Variants in TMEM108 observed in about 807,000 individuals in gnomAD.
The protein encoded by TMEM108 is cancer/testis antigen 124.
Under a neutral mutation model 35.1 loss-of-function variants are expected in TMEM108, and 12 were observed. The ratio of observed to expected loss-of-function variants is 0.34; its 90% CI spans 0.22 to 0.55. The LOEUF is 0.55. Ranked by LOEUF, TMEM108 falls within the 20% of genes least tolerant of loss-of-function variation. The pLI is 0.89. For synonymous variants in TMEM108, 287 were observed against 308.6 expected, an observed-to-expected ratio of 0.93 and a Z score of 0.73; for missense variants, 680 against 753.3, an observed-to-expected ratio of 0.90 and a Z score of 1.14.
rs9845281 is a variant in TMEM108, at chr3:133,145,559, G to A, written c.-46-83707G>A. On this transcript the variant is annotated intron_variant, in intron 2 of 5. Coordinates refer to ENST00000321871, the MANE Select transcript of TMEM108 (RefSeq NM_023943.4). ...GAATCTATAAATTACTTTGGGCAGC[G>A]TGGCCATTTTCACGATATTGATTCT... Among the ~76,000 whole-genome samples, 8 of 152,040 alleles carry A rather than the reference G, an allele frequency of 5.3e-5. No homozygotes were observed. In the East Asian group the frequency reaches 9.7e-4, roughly 18 times the overall value.
chr3:133,211,916 CTTTAT>C (rs200296167), intron 2 of TMEM108, among the ~76,000 whole-genome samples: 1 of 152,032 alleles, frequency 6.6e-6, no homozygotes, highest in African/African-American at 2.4e-5. Flanking sequence ...TGACAACCTC[CTTTAT>C]TTTATTTTAT....
At chr3:133,318,007 T>C (rs1350126230) in intron 3 of TMEM108, among the ~76,000 whole-genome samples, 1 of 152,150 alleles carries the variant, frequency 6.6e-6, no homozygotes, top group Non-Finnish European at 1.5e-5. Flanking sequence ...GGTTCCAAAG[T>C]GGGAGGCAAG....
chr3:133,162,873 G>C (rs1944981033), intron 2 of TMEM108, among the ~76,000 whole-genome samples: 2 of 152,226 alleles, frequency 1.3e-5, no homozygotes, highest in African/African-American at 4.8e-5. Flanking sequence ...AGAGTTCCCA[G>C]CTGCATTCTG....
intron 3 of TMEM108, among the ~76,000 whole-genome samples, chr3:133,287,989 T>G (rs1391807569): frequency 3.3e-5 from 5 of 152,226 alleles, no homozygotes; most frequent in African/African-American, 1.2e-4. Flanking sequence ...TTCAGCATGA[T>G]GGACCTGGAG....
intron 2 of TMEM108, among the ~76,000 whole-genome samples, chr3:133,205,106 A>G (rs1945732205): frequency 6.7e-6 from 1 of 148,556 alleles, no homozygotes; most frequent in South Asian, 2.1e-4. Flanking sequence ...TCTGTTTATC[A>G]GAGACTAGGA....
chr3:133,055,141 A>G (rs1050758409), intron 2 of TMEM108, among the ~76,000 whole-genome samples: 5 of 152,222 alleles, frequency 3.3e-5, no homozygotes, highest in Admixed American at 2.0e-4. Flanking sequence ...TAAAAATAAA[A>G]AGCAAAAAAT....
chr3:133,120,611 AT>A (rs927160695), intron 2 of TMEM108, among the ~76,000 whole-genome samples: 3 of 152,092 alleles, frequency 2.0e-5, no homozygotes, highest in Admixed American at 6.5e-5. Flanking sequence ...TTTGTGTCTA[AT>A]TTTTCACTTT....
chr3:133,302,273 G>A (rs567505222), intron 3 of TMEM108, among the ~76,000 whole-genome samples: 9 of 152,170 alleles, frequency 5.9e-5, no homozygotes, highest in African/African-American at 1.4e-4. Flanking sequence ...ATGCGTGCGC[G>A]TGCACGGGTG....
chr3:133,164,658 A>C (rs1434164783), intron 2 of TMEM108, among the ~76,000 whole-genome samples: 1 of 152,216 alleles, frequency 6.6e-6, no homozygotes, highest in African/African-American at 2.4e-5. Context: ...CTGCTGACAC[A>C]GTGGTGACTG....
intron 3 of TMEM108, among the ~76,000 whole-genome samples, chr3:133,235,190 T>C (rs889788577): frequency 5.3e-5 from 8 of 152,120 alleles, no homozygotes; most frequent in African/African-American, 1.9e-4. Flanking sequence ...AGGTAATTTA[T>C]AGATTCAATG....
chr3:133,108,326 T>C (rs949345604), intron 2 of TMEM108, among the ~76,000 whole-genome samples: 2 of 152,182 alleles, frequency 1.3e-5, no homozygotes, highest in African/African-American at 2.4e-5. Context: ...TGGTGTGAGA[T>C]GGTATCTCAT....
At chr3:133,187,804 T>C (rs1945441582) in intron 2 of TMEM108, among the ~76,000 whole-genome samples, 1 of 150,838 alleles carries the variant, frequency 6.6e-6, no homozygotes, top group South Asian at 2.1e-4. Context: ...ATGACTGGTT[T>C]CCTGGTTCCC....
intron 3 of TMEM108, among the ~76,000 whole-genome samples, chr3:133,277,990 G>T (rs1257464183): frequency 1.3e-5 from 2 of 152,176 alleles, no homozygotes; most frequent in African/African-American, 2.4e-5. Flanking sequence ...GTATTTCCAA[G>T]CATGATTCAT....
rs1055718719 is a variant in TMEM108, at chr3:133,379,963, G to A, written c.252G>A (p.Pro84=). The A allele has an allele frequency of 6.8e-6, 11 of 1,612,766 alleles. No individual in the cohort carries two copies. The East Asian group carries it at 1.1e-4, about 16-fold the overall frequency. ...PSQAAAPMAT[P]TPRAEGHPPT... is the part of the protein sequence containing the mutation. ...AGGCTGCAGCTCCCATGGCAACACCGACACCCCGTGCAGAGGGGCACCCTC... is the reference window on the plus strand; with the variant it reads ...AGGCTGCAGCTCCCATGGCAACACCAACACCCCGTGCAGAGGGGCACCCTC... Residue 84 remains proline (P), a synonymous_variant, in exon 4 of 6, where the codon CCG becomes CCA. Coordinates refer to ENST00000321871, the MANE Select transcript of TMEM108 (RefSeq NM_023943.4).
chr3:133,365,570 T>C (rs1474567973), intron 3 of TMEM108, among the ~76,000 whole-genome samples: 1 of 152,150 alleles, frequency 6.6e-6, no homozygotes, highest in Admixed American at 6.6e-5. Context: ...CTCTAGGACA[T>C]AGGGGCAGCT....
At position 133,218,937 on chromosome 3, in the gene TMEM108, G is replaced by A. The variant is rs185125312; in HGVS notation, c.-46-10329G>A. On this transcript the variant is annotated intron_variant, in intron 2 of 5. Coordinates refer to ENST00000321871, the MANE Select transcript of TMEM108 (RefSeq NM_023943.4). ...ATTCCCTCTTCTTAAGTTTTTTTTG[G>A]AAGAGTTTGAGAAGGATTGGTATTA... 2.0e-4 allele frequency among the ~76,000 whole-genome samples: 30 copies of A among 152,006 alleles called. 1 individual carries two copies. The East Asian group carries it at 5.2e-3, about 26-fold the overall frequency.
At chr3:133,067,680 T>G (rs1943627129) in intron 2 of TMEM108, among the ~76,000 whole-genome samples, 1 of 152,192 alleles carries the variant, frequency 6.6e-6, no homozygotes, top group Admixed American at 6.5e-5. Context: ...GAGACTTTTG[T>G]CTAGCTAAGG....
chr3:133,261,041 A>C (rs1160642169), intron 3 of TMEM108, among the ~76,000 whole-genome samples: 4 of 152,218 alleles, frequency 2.6e-5, no homozygotes, highest in African/African-American at 7.2e-5. Context: ...TTGTGACCTC[A>C]GTGCTGATGG....
At chr3:133,162,149 C>CTT (rs538316853) in intron 2 of TMEM108, among the ~76,000 whole-genome samples, 13 of 146,640 alleles carry the variant, frequency 8.9e-5, no homozygotes, top group Admixed American at 3.4e-4. Context: ...GAATCCTAGA[C>CTT]TTTTTTTTTT....
Sources: allele counts gnomAD v4.1 joint callset (sites outside exome capture counted in the v4.1 genomes callset), GRCh38; gene constraint gnomAD v4.1.1; transcripts MANE v1.5; gene names NCBI Gene and HGNC (gene_info 2026-07-23, HGNC 2026-07-21).